The following AGBL1 variants were observed in gnomAD, a reference collection of about 807,000 sequenced individuals.
AGBL1 encodes the protein AGBL carboxypeptidase 1.
A neutral mutation model predicts 118.9 loss-of-function variants in AGBL1; 130 were observed. That is an observed-to-expected ratio of 1.09 (90% CI 0.95 to 1.26). The LOEUF (loss-of-function observed/expected upper bound fraction) is 1.26, where lower values mean the gene tolerates loss of function less well. Among genes scored for constraint, AGBL1 ranks in the 50% most tolerant of loss-of-function variants. The pLI is 0.00. For missense variants in AGBL1, 1,584 were observed against 1,298.1 expected, an observed-to-expected ratio of 1.22 and a Z score of -3.38; for synonymous variants, 555 against 478.9, an observed-to-expected ratio of 1.16 and a Z score of -2.08.
At chr15:86,834,508 T>G (rs1170289774) in intron 22 of AGBL1, among the ~76,000 whole-genome samples, 3 of 152,154 alleles carry the variant, frequency 2.0e-5, no homozygotes, top group South Asian at 4.1e-4. Flanking sequence ...AGGGATAAAT[T>G]AGGATCTGCT....
intron 21 of AGBL1, among the ~76,000 whole-genome samples, chr15:86,635,821 C>G (rs2142451199): frequency 6.6e-6 from 1 of 152,296 alleles, no homozygotes; most frequent in East Asian, 1.9e-4. Flanking sequence ...TAATTTATTT[C>G]AAGCATTGTG....
intron 22 of AGBL1, among the ~76,000 whole-genome samples, chr15:86,837,069 C>T (rs994236087): frequency 6.6e-6 from 1 of 152,032 alleles, no homozygotes; most frequent in African/African-American, 2.4e-5. Flanking sequence ...CACTCCTTTC[C>T]CCAAATAAAA....
At chr15:86,522,686 A>G (rs907730592) in intron 18 of AGBL1, 124 bp from the exon 19 acceptor site, 25 of 1,251,782 alleles carry the variant, frequency 2.0e-5, no homozygotes, top group African/African-American at 1.5e-4. Flanking sequence ...ATTGATGCCA[A>G]TTGGGAAGAA....
chr15:86,608,142 T>C (rs2084605595), intron 21 of AGBL1, among the ~76,000 whole-genome samples: 1 of 152,190 alleles, frequency 6.6e-6, no homozygotes, highest in Admixed American at 6.5e-5. Flanking sequence ...CCTGCTAGTA[T>C]GTGGATATAT....
intron 6 of AGBL1, among the ~76,000 whole-genome samples, chr15:86,241,980 G>T (rs561476723): frequency 8.5e-4 from 130 of 152,180 alleles, no homozygotes; most frequent in Non-Finnish European, 9.3e-4. Context: ...GTTGAATCAT[G>T]AGAGTGGGTC....
intron 5 of AGBL1, among the ~76,000 whole-genome samples, chr15:86,201,020 T>C (rs1000243299): frequency 6.6e-6 from 1 of 152,180 alleles, no homozygotes; most frequent in African/African-American, 2.4e-5. Flanking sequence ...AGTAATAGTA[T>C]AATTACAATT....
chr15:86,989,530 TA>T (rs1454216863), intron 24 of AGBL1, among the ~76,000 whole-genome samples: 1 of 152,226 alleles, frequency 6.6e-6, no homozygotes, highest in Non-Finnish European at 1.5e-5. Flanking sequence ...GGGAAATGAT[TA>T]AAATATTTTC....
intron 19 of AGBL1, among the ~76,000 whole-genome samples, chr15:86,535,802 A>G (rs1596239144): frequency 6.6e-6 from 1 of 152,370 alleles, no homozygotes; most frequent in East Asian, 1.9e-4. Context: ...AGGATGGCGT[A>G]TTCCTTTCTA....
intron 1 of AGBL1, among the ~76,000 whole-genome samples, chr15:86,123,186 T>C (rs1049777287): frequency 2.0e-5 from 3 of 152,158 alleles, no homozygotes; most frequent in Non-Finnish European, 4.4e-5. Context: ...GCCTGCTGCA[T>C]AGAGGTTTTG....
At chr15:86,782,285 C>T (rs1596475979) in intron 22 of AGBL1, among the ~76,000 whole-genome samples, 1 of 141,890 alleles carries the variant, frequency 7.0e-6, no homozygotes, top group Non-Finnish European at 1.5e-5. Flanking sequence ...ATGAAGAGTA[C>T]TATTTTCCAT....
intron 24 of AGBL1, among the ~76,000 whole-genome samples, chr15:86,997,980 A>T (rs955360525): frequency 6.6e-6 from 1 of 151,662 alleles, no homozygotes; most frequent in Non-Finnish European, 1.5e-5. Flanking sequence ...CTTATACTTT[A>T]CATGTTCTGT....
intron 22 of AGBL1, among the ~76,000 whole-genome samples, chr15:86,860,677 C>T (rs533826065): frequency 1.3e-5 from 2 of 151,890 alleles, no homozygotes; most frequent in South Asian, 4.2e-4. Context: ...TTTGGTAGTT[C>T]CTGCCATCAG....
chr15:86,320,323 C>G (rs2080085993), intron 17 of AGBL1, among the ~76,000 whole-genome samples: 1 of 151,664 alleles, frequency 6.6e-6, no homozygotes, highest in African/African-American at 2.4e-5. Flanking sequence ...GTATAAAGAG[C>G]TTGCTTTCAC....
At chr15:86,865,253 C>T (rs772319311) in intron 22 of AGBL1, among the ~76,000 whole-genome samples, 1 of 152,204 alleles carries the variant, frequency 6.6e-6, no homozygotes, top group African/African-American at 2.4e-5. Context: ...AGCTAACTTG[C>T]ATTCCTCATT....
chr15:86,954,664 A>G (rs1334566203), intron 23 of AGBL1, among the ~76,000 whole-genome samples: 1 of 152,158 alleles, frequency 6.6e-6, no homozygotes, highest in Non-Finnish European at 1.5e-5. Flanking sequence ...GGGAAAGAAG[A>G]GGAGAGCATG....
intron 23 of AGBL1, among the ~76,000 whole-genome samples, chr15:86,948,778 G>A (rs1467566287): frequency 6.6e-6 from 1 of 152,170 alleles, no homozygotes; most frequent in Non-Finnish European, 1.5e-5. Flanking sequence ...GCATGAGGAA[G>A]AGAAAAATAA....
At chr15:86,124,509 T>A (rs537706437) in intron 1 of AGBL1, among the ~76,000 whole-genome samples, 9 of 152,268 alleles carry the variant, frequency 5.9e-5, no homozygotes, top group Non-Finnish European at 1.0e-4. Flanking sequence ...TTGTAACTTT[T>A]CCTTCAATCT....
At chr15:86,954,469 TATAGAAAGATTGAA>T (rs1276482966) in intron 23 of AGBL1, among the ~76,000 whole-genome samples, 1 of 152,172 alleles carries the variant, frequency 6.6e-6, no homozygotes, top group Non-Finnish European at 1.5e-5. Flanking sequence ...ACTGTGCAGC[TATAGAAAGATTGAA>T]ATCATGTCCT....
chr15:86,708,242 G>A (rs1170253588), intron 22 of AGBL1, among the ~76,000 whole-genome samples: 1 of 152,042 alleles, frequency 6.6e-6, no homozygotes, highest in African/African-American at 2.4e-5. Flanking sequence ...AGGGTCTTAA[G>A]GGAAGTAACT....
Sources: allele counts gnomAD v4.1 joint callset (sites outside exome capture counted in the v4.1 genomes callset), GRCh38; gene constraint gnomAD v4.1.1; transcripts MANE v1.5; gene names NCBI Gene and HGNC (gene_info 2026-07-23, HGNC 2026-07-21).